CASP5: variants seen among roughly 807,000 people sequenced by gnomAD.
CASP5 encodes caspase-5.
In CASP5, 42 loss-of-function variants were observed where a neutral mutation model predicts 45.2. The observed-to-expected ratio is 0.93, with a 90% CI of 0.73 to 1.20. The LOEUF is 1.20. Ranked by LOEUF, CASP5 falls within the 50% of genes most tolerant of loss-of-function variation. CASP5 has a pLI of 0.00. For synonymous variants in CASP5, 209 were observed against 186.2 expected (o/e 1.12, Z -1.00); for missense variants, 512 against 532.2 (o/e 0.96, Z 0.37).
At chr11:104,998,141 A>G (rs1861549209) in intron 7 of CASP5, among the ~76,000 whole-genome samples, 2 of 152,128 alleles carry the variant, frequency 1.3e-5, no homozygotes. Context: ...AATCTTTTGG[A>G]GGAGAGATGT....
At chr11:105,007,453 C>A in intron 2 of CASP5, 119 bp from the exon 3 acceptor site, 3 of 984,024 alleles carry the variant, frequency 3.0e-6, no homozygotes, top group South Asian at 3.3e-5. Context: ...TTTACCATGT[C>A]TCCAGCGAAT....
chr11:105,018,260 A>G (rs1862742093), intron 1 of CASP5, among the ~76,000 whole-genome samples: 1 of 151,390 alleles, frequency 6.6e-6, no homozygotes, highest in African/African-American at 2.4e-5. Flanking sequence ...AACGAGCAAA[A>G]TAACCAGCTA....
chr11:104,998,304 G>A (rs1295466921), intron 7 of CASP5, among the ~76,000 whole-genome samples: 1 of 152,028 alleles, frequency 6.6e-6, no homozygotes, highest in African/African-American at 2.4e-5. Context: ...AACTTGGAAA[G>A]AGTAAAATAG....
chr11:105,000,925 C>T (rs1236279289), intron 5 of CASP5, among the ~76,000 whole-genome samples: 1 of 152,176 alleles, frequency 6.6e-6, no homozygotes. Flanking sequence ...GTCTGTTCTG[C>T]TTCAATCTCT....
chr11:105,023,082 C>G (rs1279210674), intron 1 of CASP5, 48 bp downstream of exon 1: 10 of 1,542,620 alleles, frequency 6.5e-6, no homozygotes, highest in Non-Finnish European at 8.8e-6. Context: ...CAAGATTTTT[C>G]TAAGACCTGA....
At chr11:105,001,964 A>T in intron 5 of CASP5, 64 bp downstream of exon 5, 1 of 1,519,946 alleles carries the variant, frequency 6.6e-7, no homozygotes, top group Non-Finnish European at 9.0e-7. Flanking sequence ...CTATAAAGCT[A>T]ACTAATTATT....
intron 1 of CASP5, among the ~76,000 whole-genome samples, chr11:105,018,823 A>G (rs1459431803): frequency 5.0e-5 from 7 of 140,790 alleles, no homozygotes; most frequent in Admixed American, 1.5e-4. Flanking sequence ...CATCTACAGA[A>G]CTCTCCACCC....
At chr11:105,012,489 C>A (rs895443196) in intron 1 of CASP5, among the ~76,000 whole-genome samples, 4 of 151,628 alleles carry the variant, frequency 2.6e-5, no homozygotes, top group Non-Finnish European at 4.4e-5. Context: ...GAAGAGATAA[C>A]CAACAGAATA....
chr11:105,009,912 T>C (rs11226580), intron 1 of CASP5, among the ~76,000 whole-genome samples: 2,213 of 124,430 alleles, frequency 0.018, 86 homozygotes, highest in African/African-American at 0.073. Context: ...TATATACACA[T>C]ATATATATAC....
chr11:105,003,245 T>C (rs112039678), intron 4 of CASP5, 29 bp downstream of exon 4: 1 of 1,279,174 alleles, frequency 7.8e-7, no homozygotes, highest in African/African-American at 1.5e-5. Context: ...TTCTCTCTTC[T>C]TCCCCATTTC....
chr11:105,001,902 A>G, intron 5 of CASP5, 126 bp downstream of exon 5: 2 of 804,688 alleles, frequency 2.5e-6, no homozygotes. Flanking sequence ...GCATGTACAC[A>G]CACACACACA....
intron 7 of CASP5, 140 bp from the exon 8 acceptor site, chr11:104,997,632 C>A: frequency 1.9e-6 from 1 of 519,222 alleles, no homozygotes. Flanking sequence ...TTAGGTTTCA[C>A]ACAGAGGAAA....
chr11:104,999,155 T>A, intron 6 of CASP5, 127 bp from the exon 7 acceptor site: 3 of 756,322 alleles, frequency 4.0e-6, no homozygotes, highest in Non-Finnish European at 6.1e-6. Context: ...ATCATATAGG[T>A]TTTAAGCCCA....
chr11:104,996,183 A>AC (rs1376197340), intron 8 of CASP5, among the ~76,000 whole-genome samples: 1 of 152,068 alleles, frequency 6.6e-6, no homozygotes, highest in African/African-American at 2.4e-5. Context: ...AGTACTTTCA[A>AC]CCCCCACCAA....
At chr11:105,014,750 G>A (rs1862506036) in intron 1 of CASP5, among the ~76,000 whole-genome samples, 1 of 152,104 alleles carries the variant, frequency 6.6e-6, no homozygotes, top group Admixed American at 6.5e-5. Flanking sequence ...ACCATTTTGA[G>A]GAAATGTTCT....
chr11:105,009,006 A>G, intron 1 of CASP5, 26 bp from the exon 2 acceptor site: 3 of 1,608,714 alleles, frequency 1.9e-6, no homozygotes, highest in Non-Finnish European at 2.5e-6. Flanking sequence ...AGACTCCTTC[A>G]ACTCTGGGCA....
At position 105,003,305 on chromosome 11, in the gene CASP5, A is replaced by G; in HGVS notation, c.512T>C (p.Phe171Ser). Residue 171 changes from phenylalanine (F) to serine (S), a missense_variant, in exon 4 of 10, where the codon TTC (phenylalanine) becomes TCC (serine). Coordinates refer to ENST00000260315, the MANE Select transcript of CASP5 (RefSeq NM_004347.5). Reference sequence around the variant, plus strand: ...ATGATTTTTTTTACACAGTCTCAGGAATTCTTCACGAGGACAAAGTTTGAG... The same window carrying G: ...ATGATTTTTTTTACACAGTCTCAGGGATTCTTCACGAGGACAAAGTTTGAG... The part of the protein sequence containing the change: ...NILKLCPREE[F>S]LRLCKKNHDE... The G allele has an allele frequency of 1.9e-6, 3 of 1,607,172 alleles. No homozygotes were observed. The highest frequency in any genetic ancestry group is 2.6e-6 in the Non-Finnish European group (3 of 1,176,426).
intron 1 of CASP5, among the ~76,000 whole-genome samples, chr11:105,009,740 T>TACAC (rs1565387849): frequency 1.4e-4 from 10 of 73,202 alleles, no homozygotes; most frequent in African/African-American, 2.9e-4. Context: ...TATATATATA[T>TACAC]ATATATATAT....
At chr11:105,001,941 C>T in intron 5 of CASP5, 87 bp downstream of exon 5, 1 of 1,387,332 alleles carries the variant, frequency 7.2e-7, no homozygotes, top group South Asian at 1.3e-5. Context: ...GGTTGTTAAA[C>T]CTTGTTGAAC....
Sources: allele counts gnomAD v4.1 joint callset (sites outside exome capture counted in the v4.1 genomes callset), GRCh38; gene constraint gnomAD v4.1.1; transcripts MANE v1.5; gene names NCBI Gene and HGNC (gene_info 2026-07-23, HGNC 2026-07-21).